PDE4D: variants seen among roughly 807,000 people sequenced by gnomAD.
PDE4D encodes 3',5'-cyclic-AMP phosphodiesterase 4D.
Under a neutral mutation model 87.4 loss-of-function variants are expected in PDE4D, and 24 were observed. The ratio of observed to expected loss-of-function variants is 0.27; its 90% CI spans 0.20 to 0.39. The LOEUF is 0.39. Ranked by LOEUF, PDE4D falls within the 10% of genes least tolerant of loss-of-function variation. The pLI, the probability that PDE4D is intolerant of heterozygous loss-of-function variation, is 1.00. For synonymous variants in PDE4D, 384 were observed against 383.2 expected, an observed-to-expected ratio of 1.00 and a Z score of -0.02; for missense variants, 714 against 1,041.0, an observed-to-expected ratio of 0.69 and a Z score of 4.32.
chr5:59,209,334 C>T lies in PDE4D; in HGVS notation c.647+6443G>A, dbSNP rs891450826. Among the ~76,000 whole-genome samples the T allele has an allele frequency of 7.9e-5, 12 of 152,138 alleles. 1 individual carries two copies. The South Asian group carries it at 1.5e-3, about 18-fold the overall frequency. On this transcript the variant is annotated intron_variant, in intron 2 of 14. Coordinates refer to ENST00000340635, the MANE Select transcript of PDE4D (RefSeq NM_001104631.2). ...CCAAGTAGCTGAGACTACAGGCGCC[C>T]ACCACCATGCCCAGCAAATTTTTGT...
chr5:60,407,444 C>CTTTTTTTTTTTT (rs70975385), intron 1 of PDE4D, among the ~76,000 whole-genome samples: 1 of 80,092 alleles, frequency 1.2e-5, no homozygotes, highest in Non-Finnish European at 2.3e-5. Flanking sequence ...TTTCTTTTTC[C>CTTTTTTTTTTTT]TTTTTTTTTT....
intron 1 of PDE4D, among the ~76,000 whole-genome samples, chr5:60,450,406 C>A (rs540504897): frequency 1.2e-4 from 18 of 152,134 alleles, no homozygotes; most frequent in Non-Finnish European, 2.1e-4. Context: ...ATTAACCTAT[C>A]CCCAGCCTAG....
chr5:60,155,768 TTTCAGAGGC>T (rs1430831586), intron 2 of PDE4D, among the ~76,000 whole-genome samples: 2 of 151,892 alleles, frequency 1.3e-5, no homozygotes, highest in East Asian at 3.9e-4. Context: ...GCTCATATAA[TTTCAGAGGC>T]CTTCGACTTC....
chr5:58,976,225 G>A, intron 13 of PDE4D, 125 bp downstream of exon 13: 2 of 1,038,458 alleles, frequency 1.9e-6, no homozygotes, highest in Non-Finnish European at 1.3e-6. Flanking sequence ...TAAAAATCCT[G>A]CCTACAATTG....
At chr5:59,789,833 C>T (rs1440659466) in intron 1 of PDE4D, among the ~76,000 whole-genome samples, 1 of 152,182 alleles carries the variant, frequency 6.6e-6, no homozygotes, top group Non-Finnish European at 1.5e-5. Flanking sequence ...GATTCGATTT[C>T]ATCCAGAACC....
At chr5:59,474,497 C>A (rs174039) in intron 1 of PDE4D, among the ~76,000 whole-genome samples, 81,817 of 151,800 alleles carry the variant, frequency 0.54, 24,623 homozygotes, top group South Asian at 0.75. Flanking sequence ...ATACTTTGAC[C>A]AATTATTTTA....
chr5:59,450,824 TTC>T (rs1409883953), intron 1 of PDE4D, among the ~76,000 whole-genome samples: 1 of 152,152 alleles, frequency 6.6e-6, no homozygotes, highest in East Asian at 1.9e-4. Flanking sequence ...TGTGCTTTGG[TTC>T]TTTGTCCTTC....
intron 5 of PDE4D, among the ~76,000 whole-genome samples, chr5:59,084,990 T>C (rs938840433): frequency 9.2e-5 from 14 of 152,108 alleles, no homozygotes; most frequent in African/African-American, 3.4e-4. Context: ...TGCAGGGCAA[T>C]ATGACAATAA....
At chr5:59,646,959 C>T (rs184267513) in intron 1 of PDE4D, among the ~76,000 whole-genome samples, 225 of 152,104 alleles carry the variant, frequency 1.5e-3, no homozygotes, top group Non-Finnish European at 2.6e-3. Context: ...CGCTTGAACC[C>T]GGGAGGTGGA....
intron 2 of PDE4D, among the ~76,000 whole-genome samples, chr5:60,065,269 TCGTG>T (rs1420150609): frequency 2.3e-5 from 3 of 132,836 alleles, no homozygotes; most frequent in African/African-American, 8.3e-5. Context: ...AGTGTGTGTG[TCGTG>T]TGTGTGTGTG....
intron 1 of PDE4D, among the ~76,000 whole-genome samples, chr5:60,217,150 G>A (rs559959174): frequency 2.6e-5 from 4 of 152,120 alleles, no homozygotes; most frequent in African/African-American, 7.2e-5. Context: ...ATTATACCAA[G>A]TGCACAGAAG....
At chr5:60,179,002 A>G (rs561875828) in intron 2 of PDE4D, among the ~76,000 whole-genome samples, 2 of 152,266 alleles carry the variant, frequency 1.3e-5, no homozygotes, top group South Asian at 4.1e-4. Context: ...TGAGGGCTGC[A>G]AGTACAGTCA....
chr5:59,617,899 T>C (rs1168524220), intron 1 of PDE4D, among the ~76,000 whole-genome samples: 1 of 152,222 alleles, frequency 6.6e-6, no homozygotes, highest in Admixed American at 6.6e-5. Context: ...ACCAATGAAG[T>C]GCTTTTCACT....
chr5:59,046,385 T>G (rs1372457734), intron 5 of PDE4D, among the ~76,000 whole-genome samples: 1 of 151,628 alleles, frequency 6.6e-6, no homozygotes, highest in East Asian at 2.0e-4. Flanking sequence ...TGTGCATGTA[T>G]GTAAGGGCAT....
intron 1 of PDE4D, among the ~76,000 whole-genome samples, chr5:59,482,241 T>A (rs1389695385): frequency 6.6e-6 from 1 of 152,162 alleles, no homozygotes; most frequent in African/African-American, 2.4e-5. Context: ...GAGCATTACA[T>A]ATTTTAATTC....
At position 59,836,857 on chromosome 5, in the gene PDE4D, G is replaced by C. The variant is rs77701791; in HGVS notation, c.455+56311C>G. Among the ~76,000 whole-genome samples, 1,470 of 152,032 alleles carry C rather than the reference G, an allele frequency of 9.7e-3. 20 individuals are homozygous for C. Among genetic ancestry groups the C allele is most frequent in the African/African-American group, 0.034 (1,405 of 41,498 alleles). ...GGGAAGAGAAGTCACATCCACACTG[G>C]ATAGCTCCATAATAAAATTCTCATC... On this transcript the variant is annotated intron_variant, in intron 1 of 14. Coordinates refer to ENST00000340635, the MANE Select transcript of PDE4D (RefSeq NM_001104631.2).
chr5:60,037,611 G>A (rs914876191), intron 2 of PDE4D, among the ~76,000 whole-genome samples: 4 of 152,154 alleles, frequency 2.6e-5, no homozygotes, highest in East Asian at 1.9e-4. Context: ...CTCTGCCCTG[G>A]TGGGGTTTTT....
intron 2 of PDE4D, among the ~76,000 whole-genome samples, chr5:60,158,966 C>A (rs1343516414): frequency 6.6e-6 from 1 of 152,092 alleles, no homozygotes; most frequent in African/African-American, 2.4e-5. Context: ...TTTCTTTAAG[C>A]TTTTTGACTT....
chr5:60,110,314 C>G (rs547726349), intron 2 of PDE4D, among the ~76,000 whole-genome samples: 4 of 151,858 alleles, frequency 2.6e-5, no homozygotes, highest in Non-Finnish European at 4.4e-5. Context: ...GGAACTCAAA[C>G]AATTCAACAG....
Sources: gnomAD v4.1 joint callset for allele counts (sites outside exome capture counted in the v4.1 genomes callset) on GRCh38, gnomAD v4.1.1 for gene constraint, MANE v1.5 for transcripts, NCBI Gene and HGNC (gene_info 2026-07-23, HGNC 2026-07-21) for gene names.